ZBTB7C: variants seen among roughly 807,000 people sequenced by gnomAD.
The protein encoded by ZBTB7C is zinc finger and BTB domain containing 7C.
A neutral mutation model predicts 25.7 loss-of-function variants in ZBTB7C; 8 were observed. The observed-to-expected ratio is 0.31, with a 90% CI of 0.18 to 0.56. ZBTB7C has a LOEUF of 0.56. ZBTB7C is among the 20% of genes least tolerant of loss of function. The pLI, the probability that ZBTB7C is intolerant of heterozygous loss-of-function variation, is 0.91. For missense variants in ZBTB7C, 824 were observed against 855.2 expected (o/e 0.96, Z 0.46); for synonymous variants, 394 against 369.0 (o/e 1.07, Z -0.78).
intron 2 of ZBTB7C, among the ~76,000 whole-genome samples, chr18:48,274,451 T>C (rs1482729196): frequency 2.0e-5 from 3 of 152,220 alleles, no homozygotes; most frequent in Non-Finnish European, 4.4e-5. Context: ...ACTCAGCTGC[T>C]GGTTTCTGCC....
intron 2 of ZBTB7C, among the ~76,000 whole-genome samples, chr18:48,191,772 G>T (rs1255680012): frequency 1.7e-4 from 26 of 152,194 alleles, no homozygotes; most frequent in African/African-American, 6.3e-4. Context: ...TGACAGGGAG[G>T]CAGCAGCTGC....
intron 2 of ZBTB7C, among the ~76,000 whole-genome samples, chr18:48,280,063 C>G (rs1204022748): frequency 1.3e-5 from 2 of 152,288 alleles, no homozygotes; most frequent in South Asian, 2.1e-4. Flanking sequence ...GTAAATAAGA[C>G]ACATTTGGTT....
intron 3 of ZBTB7C, among the ~76,000 whole-genome samples, chr18:48,065,324 C>G (rs1467518821): frequency 6.6e-6 from 1 of 151,830 alleles, no homozygotes; most frequent in Non-Finnish European, 1.5e-5. Flanking sequence ...CAATGAATCT[C>G]TCTCTCTCTC....
At chr18:48,089,618 C>G (rs1309809064) in intron 3 of ZBTB7C, among the ~76,000 whole-genome samples, 1 of 152,086 alleles carries the variant, frequency 6.6e-6, no homozygotes, top group African/African-American at 2.4e-5. Flanking sequence ...ACATGGGGCT[C>G]TCACTAAAAT....
intron 2 of ZBTB7C, among the ~76,000 whole-genome samples, chr18:48,335,038 G>A (rs1166874429): frequency 2.0e-5 from 3 of 152,206 alleles, no homozygotes; most frequent in African/African-American, 7.2e-5. Flanking sequence ...CTGGCTGCAG[G>A]GGGCTGCCTC....
chr18:48,297,916 T>C (rs1277403052), intron 2 of ZBTB7C, among the ~76,000 whole-genome samples: 1 of 152,138 alleles, frequency 6.6e-6, no homozygotes, highest in Non-Finnish European at 1.5e-5. Flanking sequence ...ATTATATGCC[T>C]ATGGTAGTTA....
intron 4 of ZBTB7C, among the ~76,000 whole-genome samples, chr18:48,030,554 G>A (rs1476598207): frequency 6.6e-6 from 1 of 152,168 alleles, no homozygotes; most frequent in East Asian, 1.9e-4. Flanking sequence ...AGCCAGGTGC[G>A]AAAAGAATGC....
intron 3 of ZBTB7C, among the ~76,000 whole-genome samples, chr18:48,097,583 C>T (rs1427495335): frequency 6.6e-6 from 1 of 151,950 alleles, no homozygotes; most frequent in African/African-American, 2.4e-5. Flanking sequence ...TTTTAGTAGA[C>T]ACGGGGTTTC....
intron 3 of ZBTB7C, among the ~76,000 whole-genome samples, chr18:48,108,818 C>T (rs1289683595): frequency 6.6e-6 from 1 of 152,126 alleles, no homozygotes; most frequent in African/African-American, 2.4e-5. Flanking sequence ...GGACCTCCAC[C>T]TCTTCTGTCC....
At chr18:48,081,342 G>A (rs2037973895) in intron 3 of ZBTB7C, among the ~76,000 whole-genome samples, 2 of 152,326 alleles carry the variant, frequency 1.3e-5, no homozygotes. Flanking sequence ...TACCATCCAT[G>A]TCAGGACCAA....
intron 3 of ZBTB7C, among the ~76,000 whole-genome samples, chr18:48,074,386 A>G (rs933955172): frequency 2.6e-5 from 4 of 152,176 alleles, no homozygotes; most frequent in African/African-American, 9.7e-5. Flanking sequence ...TTTCCTTCAT[A>G]TAACACAGCC....
At chr18:48,139,683 A>G (rs964534873) in intron 3 of ZBTB7C, among the ~76,000 whole-genome samples, 1 of 152,090 alleles carries the variant, frequency 6.6e-6, no homozygotes, top group Admixed American at 6.5e-5. Context: ...TCTGGGCACA[A>G]AGTGGGGAGC....
At chr18:48,298,041 G>A (rs2045443276) in intron 2 of ZBTB7C, among the ~76,000 whole-genome samples, 1 of 152,164 alleles carries the variant, frequency 6.6e-6, no homozygotes, top group African/African-American at 2.4e-5. Context: ...AGCATTTTGG[G>A]AGGCTGAGGC....
intron 1 of ZBTB7C, among the ~76,000 whole-genome samples, chr18:48,352,882 C>T (rs1440596568): frequency 6.6e-6 from 1 of 152,104 alleles, no homozygotes; most frequent in Non-Finnish European, 1.5e-5. Context: ...ACCCAAGTTA[C>T]TCCACCCCTA....
At chr18:48,385,632 T>C (rs2047730104) in intron 1 of ZBTB7C, among the ~76,000 whole-genome samples, 1 of 151,936 alleles carries the variant, frequency 6.6e-6, no homozygotes, top group Admixed American at 6.6e-5. Flanking sequence ...CCATTCAGAG[T>C]GTAAGGTAGC....
intron 3 of ZBTB7C, among the ~76,000 whole-genome samples, chr18:48,182,272 G>A (rs1309721432): frequency 6.6e-6 from 1 of 152,168 alleles, no homozygotes; most frequent in African/African-American, 2.4e-5. Flanking sequence ...CTTGTAACCT[G>A]AGAGAGAGTG....
chr18:48,387,734 C>G (rs755559175), intron 1 of ZBTB7C, among the ~76,000 whole-genome samples: 197 of 152,332 alleles, frequency 1.3e-3, no homozygotes, highest in Non-Finnish European at 2.1e-3. Context: ...AACCAGCTGA[C>G]AGCAAAACAG....
At chr18:48,095,907 T>C (rs1388124975) in intron 3 of ZBTB7C, among the ~76,000 whole-genome samples, 1 of 151,978 alleles carries the variant, frequency 6.6e-6, no homozygotes, top group Admixed American at 6.5e-5. Context: ...GCTGGTAACC[T>C]CTTATGTGGA....
chr18:48,270,360 T>G (rs1324403239), intron 2 of ZBTB7C, among the ~76,000 whole-genome samples: 6 of 146,512 alleles, frequency 4.1e-5, no homozygotes, highest in African/African-American at 1.5e-4. Context: ...GCCTCCCGAG[T>G]AGCTGGGACT....
Sources: gnomAD v4.1 joint callset for allele counts (sites outside exome capture counted in the v4.1 genomes callset) on GRCh38, gnomAD v4.1.1 for gene constraint, MANE v1.5 for transcripts, NCBI Gene and HGNC (gene_info 2026-07-23, HGNC 2026-07-21) for gene names.